GSE1: variants seen among roughly 807,000 people sequenced by gnomAD.
The protein encoded by GSE1 is Gse1 coiled-coil protein.
In GSE1, 32 loss-of-function variants were observed where a neutral mutation model predicts 112.6. The ratio of observed to expected loss-of-function variants is 0.28; its 90% CI spans 0.21 to 0.38. GSE1 has a LOEUF of 0.38. Among genes scored for constraint, GSE1 ranks in the 10% least tolerant of loss-of-function variants. The pLI, the probability that GSE1 is intolerant of heterozygous loss-of-function variation, is 1.00. For missense variants in GSE1, 2,348 were observed against 1,699.2 expected, an observed-to-expected ratio of 1.38 and a Z score of -6.71; for synonymous variants, 1,115 against 735.6, an observed-to-expected ratio of 1.52 and a Z score of -8.35.
chr16:85,536,860 T>G (rs2044346469), intron 2 of GSE1, among the ~76,000 whole-genome samples: 2 of 152,170 alleles, frequency 1.3e-5, no homozygotes, highest in South Asian at 4.1e-4. Flanking sequence ...AGATCATGGG[T>G]CACAGGGGAA....
rs35813254 is a variant in GSE1 at position 85,419,605 on chromosome 16, CAA to C, written c.2464+61973_2464+61974del. ...TGGGCAATAGAGCAAGGCTGTGTCT[CAA>C]AAAAAAAAAACAAAAAACAAAAAAC... On this transcript the variant is annotated intron_variant, in intron 2 of 2. Transcript: ENST00000637419. The surrounding 1 kb of genome is among the most constrained non-coding windows in gnomAD (Gnocchi z 6.5). 0.42 allele frequency among the ~76,000 whole-genome samples: 61,612 copies of C among 145,496 alleles called. 13,100 individuals are homozygous for C. The highest frequency in any genetic ancestry group is 0.61 in the East Asian group (3,051 of 5,004).
At chr16:85,556,082 A>T in exon 1 of GSE1, 1 of 984,056 alleles carries the variant, frequency 1.0e-6, no homozygotes, top group Non-Finnish European at 1.2e-6. Context: ...TGCCAGGGCC[A>T]AGGTGGCCGA....
At chr16:85,639,089 G>C (rs564450865) in intron 2 of GSE1, among the ~76,000 whole-genome samples, 1 of 152,206 alleles carries the variant, frequency 6.6e-6, no homozygotes, top group Non-Finnish European at 1.5e-5. Flanking sequence ...CCCAGCGACC[G>C]GCCTGGGCTG....
At chr16:85,459,609 G>A (rs1422759445) in intron 2 of GSE1, among the ~76,000 whole-genome samples, 1 of 152,184 alleles carries the variant, frequency 6.6e-6, no homozygotes, top group Non-Finnish European at 1.5e-5. Flanking sequence ...TTGCCTATGT[G>A]CTTAGTGTGG....
At chr16:85,486,622 CTG>C (rs1489187509) in intron 2 of GSE1, among the ~76,000 whole-genome samples, 4 of 152,212 alleles carry the variant, frequency 2.6e-5, no homozygotes, top group Admixed American at 6.5e-5. Context: ...CCTGAGAGGC[CTG>C]CCCTGGTCCC....
chr16:85,270,919 G>C (rs1908767293), intron 1 of GSE1, among the ~76,000 whole-genome samples: 1 of 152,204 alleles, frequency 6.6e-6, no homozygotes, highest in Non-Finnish European at 1.5e-5. Context: ...CACAGACCTG[G>C]CTTCACATAC....
intron 1 of GSE1, among the ~76,000 whole-genome samples, chr16:85,561,772 G>A (rs1249153137): frequency 6.6e-6 from 1 of 152,228 alleles, no homozygotes; most frequent in Admixed American, 6.5e-5. Flanking sequence ...CTTGCAGGAG[G>A]CTGAGGCTTC....
chr16:85,466,324 C>G (rs972824723), intron 2 of GSE1, among the ~76,000 whole-genome samples: 1 of 152,164 alleles, frequency 6.6e-6, no homozygotes, highest in Non-Finnish European at 1.5e-5. Context: ...TGTGATTACT[C>G]CCCAAGGAGG....
At chr16:85,586,041 G>C (rs1395415126) in intron 1 of GSE1, among the ~76,000 whole-genome samples, 1 of 152,206 alleles carries the variant, frequency 6.6e-6, no homozygotes, top group Non-Finnish European at 1.5e-5. Context: ...TTTGAGGGCT[G>C]GGAGGGAAGG....
chr16:85,200,464 C>T (rs183854802), intron 1 of GSE1, among the ~76,000 whole-genome samples: 7 of 152,156 alleles, frequency 4.6e-5, no homozygotes, highest in Admixed American at 2.6e-4. Flanking sequence ...GTTTCCCCCA[C>T]GTCACACAGC....
intron 1 of GSE1, among the ~76,000 whole-genome samples, chr16:85,248,867 C>G (rs1440710450): frequency 6.6e-6 from 1 of 152,178 alleles, no homozygotes; most frequent in African/African-American, 2.4e-5. Flanking sequence ...GTTGATTGGA[C>G]CAGCCTGCAT....
At chr16:85,342,668 C>T (rs952856829) in intron 1 of GSE1, among the ~76,000 whole-genome samples, 7 of 152,162 alleles carry the variant, frequency 4.6e-5, no homozygotes, top group African/African-American at 1.4e-4. Context: ...GGCTGTCTGA[C>T]GTTTGGCAGT....
intron 1 of GSE1, among the ~76,000 whole-genome samples, chr16:85,256,562 T>G (rs1907104137): frequency 6.6e-6 from 1 of 152,260 alleles, no homozygotes; most frequent in Non-Finnish European, 1.5e-5. Context: ...CTGGGCCTGA[T>G]CCAGCACCTG....
At chr16:85,610,750 T>A (rs1291489362), upstream of GSE1, among the ~76,000 whole-genome samples, 1 of 151,674 alleles carries the variant, frequency 6.6e-6, no homozygotes, top group Non-Finnish European at 1.5e-5. Flanking sequence ...GGAAGGGGAG[T>A]GACTTCCAGG....
rs1567736361 is a variant in GSE1 at position 85,656,404 on chromosome 16, CGTGAGGCTGACCGCGAGCGGGAGA to C, written c.1052_1075del (p.Arg351_Lys359delinsGln). 6.5e-7 allele frequency: 1 copy of C among 1,540,254 alleles called. No individual in the cohort carries two copies. Among genetic ancestry groups the C allele is most frequent in the East Asian group, 2.3e-5 (1 of 44,034 alleles). On this transcript the variant is annotated inframe_deletion, in exon 7 of 16. Coordinates refer to ENST00000253458, the MANE Select transcript of GSE1 (RefSeq NM_014615.5). ...GCGCGAGCGCGAGCGCGAGCGTGAG[CGTGAGGCTGACCGCGAGCGGGAGA>C]AGGAACGTGAGCGCGAACGCGAGAA...
At chr16:85,552,480 C>T (rs1248987462), upstream of GSE1, among the ~76,000 whole-genome samples, 2 of 128,294 alleles carry the variant, frequency 1.6e-5, no homozygotes, top group Non-Finnish European at 3.5e-5. Context: ...TACAGGCGCC[C>T]GTCACCACGC....
chr16:85,434,393 T>C (rs953471007), intron 2 of GSE1, among the ~76,000 whole-genome samples: 29 of 152,136 alleles, frequency 1.9e-4, no homozygotes, highest in African/African-American at 6.7e-4. Flanking sequence ...GCTTTACTTG[T>C]ATGTGTAACT....
At chr16:85,219,968 A>T (rs756841602) in intron 1 of GSE1, among the ~76,000 whole-genome samples, 1 of 152,100 alleles carries the variant, frequency 6.6e-6, no homozygotes, top group Non-Finnish European at 1.5e-5. Flanking sequence ...AGCCTGGAGG[A>T]TGGGAATCCC....
intron 1 of GSE1, among the ~76,000 whole-genome samples, chr16:85,591,725 C>G (rs1188370414): frequency 3.9e-5 from 6 of 152,260 alleles, no homozygotes; most frequent in Non-Finnish European, 7.3e-5. Flanking sequence ...AACTGTTGTT[C>G]TTTGTAGAAG....
Sources: gnomAD v4.1 joint callset for allele counts (sites outside exome capture counted in the v4.1 genomes callset) on GRCh38, gnomAD v4.1.1 for gene constraint, Gnocchi (gnomAD v3.1) non-coding constraint, MANE v1.5 for transcripts, NCBI Gene and HGNC (gene_info 2026-07-23, HGNC 2026-07-21) for gene names.